MN1: variants seen among roughly 807,000 people sequenced by gnomAD.
MN1 encodes the protein transcriptional activator MN1.
A neutral mutation model predicts 86.9 loss-of-function variants in MN1; 19 were observed. The ratio of observed to expected loss-of-function variants is 0.22; its 90% CI spans 0.15 to 0.32. MN1 has a LOEUF of 0.32. Among genes scored for constraint, MN1 ranks in the 10% least tolerant of loss-of-function variants. The pLI is 1.00. For synonymous variants in MN1, 928 were observed against 849.6 expected (o/e 1.09, Z -1.60); for missense variants, 1,841 against 1,862.0 (o/e 0.99, Z 0.21).
intron 1 of MN1, among the ~76,000 whole-genome samples, chr22:27,793,479 T>C (rs1933243256): frequency 6.6e-6 from 1 of 152,218 alleles, no homozygotes. Flanking sequence ...AAACTCAGGC[T>C]GGGTTTTGTT....
intron 1 of MN1, among the ~76,000 whole-genome samples, chr22:27,788,889 C>T (rs1047016503): frequency 6.6e-6 from 1 of 152,060 alleles, no homozygotes; most frequent in East Asian, 1.9e-4. Context: ...TCAGAAAGAC[C>T]CCCCCAGACG....
chr22:27,752,851 TACTGA>T (rs1328664621), intron 1 of MN1, among the ~76,000 whole-genome samples: 2 of 152,298 alleles, frequency 1.3e-5, no homozygotes, highest in African/African-American at 4.8e-5. Context: ...CACACCCAGA[TACTGA>T]ACTCCATGAC....
chr22:27,779,264 G>A (rs187922644), intron 1 of MN1, among the ~76,000 whole-genome samples: 39 of 152,286 alleles, frequency 2.6e-4, no homozygotes, highest in African/African-American at 9.1e-4. Context: ...ACCGGCAGGC[G>A]CTTCCTCCTC....
Position 27,800,130 on chromosome 22 carries a change from G to T in MN1, c.414C>A (p.Gly138=). ...LHGGRLLGYG[G]AAGGLGSQPP... ...GCTGGCTGCCCAGGCCTCCGGCTGCGCCGCCGTAGCCGAGCAGGCGACCCC... is the reference window on the plus strand; with the variant it reads ...GCTGGCTGCCCAGGCCTCCGGCTGCTCCGCCGTAGCCGAGCAGGCGACCCC... The change falls in exon 1 of 2, where the codon GGC becomes GGA. Residue 138 remains glycine, a synonymous_variant. Coordinates refer to ENST00000302326, the MANE Select transcript of MN1 (RefSeq NM_002430.3). The T allele has an allele frequency of 6.4e-7, 1 of 1,555,312 alleles. No homozygotes were observed. Among genetic ancestry groups the T allele is most frequent in the Non-Finnish European group, 8.6e-7 (1 of 1,157,626 alleles).
At chr22:27,769,073 T>C (rs566564307) in intron 1 of MN1, among the ~76,000 whole-genome samples, 20 of 152,178 alleles carry the variant, frequency 1.3e-4, no homozygotes, top group Non-Finnish European at 2.2e-4. Context: ...GCAGGTTCCA[T>C]AGACTGATGT....
chr22:27,789,988 C>A (rs1308346980), intron 1 of MN1, among the ~76,000 whole-genome samples: 1 of 152,152 alleles, frequency 6.6e-6, no homozygotes, highest in Non-Finnish European at 1.5e-5. Flanking sequence ...TGGAAGCTAT[C>A]GGGAACCCAG....
Position 27,751,024 on chromosome 22 carries a change from C to T in MN1, c.3854G>A (p.Cys1285Tyr). The T allele has an allele frequency of 6.2e-7, 1 of 1,611,410 alleles. No individual in the cohort carries two copies. Among genetic ancestry groups the T allele is most frequent in the African/African-American group, 1.3e-5 (1 of 74,994 alleles). ...GSHLQCLSVHCTDDVGDAKAR... is the reference protein window; with the variant it reads ...GSHLQCLSVHYTDDVGDAKAR... ...CTTGGCGTCACCCACGTCGTCTGTG[C>T]AGTGGACAGACAGGCACTGCAAGTG... Residue 1285 changes from cysteine (C) to tyrosine (Y), a missense_variant, in exon 2 of 2, where the codon TGC becomes TAC. By Grantham distance (194) the Cys-to-Tyr change is radical (BLOSUM62 -2). Transcript: ENST00000302326.
Position 27,796,817 on chromosome 22 carries a change from TGTC to T in MN1, c.3724_3726del (p.Asp1242del), listed in dbSNP as rs765307189. 2.0e-4 allele frequency: 322 copies of T among 1,610,794 alleles called. No homozygotes were observed. Among genetic ancestry groups the T allele is most frequent in the Non-Finnish European group, 2.7e-4 (316 of 1,179,696 alleles). ...GCCTTCTCCCAGGGCGCCAACGTCTTGTCGTCGTCCGCGCTGTCCACCAGGGCC... is the reference window on the plus strand; with the variant it reads ...GCCTTCTCCCAGGGCGCCAACGTCTTGTCGTCCGCGCTGTCCACCAGGGCC... On this transcript the variant is annotated inframe_deletion, in exon 1 of 2. Transcript: ENST00000302326.
At chr22:27,774,581 G>A (rs1432395165) in intron 1 of MN1, among the ~76,000 whole-genome samples, 1 of 152,152 alleles carries the variant, frequency 6.6e-6, no homozygotes. Flanking sequence ...AGACTTCCTT[G>A]GTACCTACAT....
In MN1 at chr22:27,798,945, T is replaced by TGTTGCTGC. The variant is rs1933372448; in HGVS notation, c.1598_1599insGCAGCAAC (p.Gln536HisfsTer25). ...GCTGTTGCTGCTGCTGCTGCTGCTG[T>TGTTGCTGC]TGCTGCTGCTGCTGCTGCTGCTGCT... On this transcript the variant is annotated frameshift_variant, in exon 1 of 2. Coordinates refer to ENST00000302326, the MANE Select transcript of MN1 (RefSeq NM_002430.3). LOFTEE classifies it high-confidence loss of function. The TGTTGCTGC allele has an allele frequency of 3.9e-6, 6 of 1,539,684 alleles. No individual in the cohort carries two copies. The African/African-American group carries it at 9.2e-5, about 24-fold the overall frequency.
intron 1 of MN1, among the ~76,000 whole-genome samples, chr22:27,794,884 G>A (rs1276234248): frequency 6.6e-6 from 1 of 151,530 alleles, no homozygotes; most frequent in African/African-American, 2.4e-5. Flanking sequence ...AGGAGTGGGA[G>A]GGGAGGATGA....
chr22:27,779,389 G>A (rs1421446502), intron 1 of MN1, among the ~76,000 whole-genome samples: 1 of 152,174 alleles, frequency 6.6e-6, no homozygotes, highest in Non-Finnish European at 1.5e-5. Context: ...CTAGGGGTTC[G>A]AACCACTGTC....
Position 27,799,176 on chromosome 22 carries a change from C to T in MN1, c.1368G>A (p.Arg456=). 1 of 1,606,456 alleles carries T rather than the reference C, an allele frequency of 6.2e-7. No homozygotes were observed. The highest frequency in any genetic ancestry group is 1.3e-5 in the African/African-American group (1 of 74,926). Residue 456 remains arginine (R), a synonymous_variant, in exon 1 of 2, where the codon AGG becomes AGA. Coordinates refer to ENST00000302326, the MANE Select transcript of MN1 (RefSeq NM_002430.3). ...CGCTGCCCGGAAAGTCGAAGCGCGGCCTCTTGGCCACGTTCATGTAGGGGG... is the reference window on the plus strand; with the variant it reads ...CGCTGCCCGGAAAGTCGAAGCGCGGTCTCTTGGCCACGTTCATGTAGGGGG... ...DAPPYMNVAK[R]PRFDFPGSAG...
chr22:27,777,119 A>G (rs1158772572), intron 1 of MN1, among the ~76,000 whole-genome samples: 2 of 152,212 alleles, frequency 1.3e-5, no homozygotes, highest in Non-Finnish European at 2.9e-5. Flanking sequence ...ATTAAACCCT[A>G]AATGAACACT....
In MN1 at chr22:27,799,624, T is replaced by C. The variant is rs1174037284; in HGVS notation, c.920A>G (p.Gln307Arg). 1 of 1,545,942 alleles carries C rather than the reference T, an allele frequency of 6.5e-7. No homozygotes were observed. Among genetic ancestry groups the C allele is most frequent in the East Asian group, 2.4e-5 (1 of 40,880 alleles). The change falls in exon 1 of 2, where the codon CAG (glutamine) becomes CGG (arginine). Residue 307 changes from glutamine (Q) to arginine (R), a missense_variant. By Grantham distance (43) the Gln-to-Arg change is conservative (BLOSUM62 1). Coordinates refer to ENST00000302326, the MANE Select transcript of MN1 (RefSeq NM_002430.3). ...CTCAAAGAACACACCATGCTGCTGCTGCTGCTGCTGGGGCTGCTGCTGCTG... is the reference window on the plus strand; with the variant it reads ...CTCAAAGAACACACCATGCTGCTGCCGCTGCTGCTGGGGCTGCTGCTGCTG... Reference protein sequence around the residue: ...PQQQQQPQQQQQQHGVFFERF... With the variant: ...PQQQQQPQQQRQQHGVFFERF...
chr22:27,798,027 G>A lies in MN1; in HGVS notation c.2517C>T (p.Leu839=), dbSNP rs1460506101. 19 of 1,607,394 alleles carry A rather than the reference G, an allele frequency of 1.2e-5. No homozygotes were observed. The highest frequency in any genetic ancestry group is 2.2e-5 in the East Asian group (1 of 44,870). The change falls in exon 1 of 2, where the codon CTC becomes CTT. Residue 839 remains leucine, a synonymous_variant. Transcript: ENST00000302326. ...AGGTCACGTTGAGGTTGGGGGCCCC[G>A]AGGCTGGCGATCATGTTCTGGCAAG... The part of the protein sequence containing the change: ...STACQNMIAS[L]GAPNLNVTFN...
chr22:27,800,915 G>T lies in MN1; in HGVS notation c.-372C>A. On this transcript the variant is annotated 5_prime_UTR_variant, in exon 1 of 2. Coordinates refer to ENST00000302326, the MANE Select transcript of MN1 (RefSeq NM_002430.3). ...GTGGGGGGAATGGGGAGGGAAGGGG[G>T]TTGGGAGAGCAGAGCGATCACCTTC... 2.5e-6 allele frequency: 1 copy of T among 402,120 alleles called. No homozygotes were observed. Among genetic ancestry groups the T allele is most frequent in the Non-Finnish European group, 4.6e-6 (1 of 218,914 alleles). 24.9% of individuals were successfully genotyped at this position (402,120 alleles called of 1,614,324 possible). A position where few individuals can be genotyped will look rare whatever the true frequency, so the allele number is the denominator to read the frequency against.
chr22:27,782,439 G>A (rs1180274082), intron 1 of MN1, among the ~76,000 whole-genome samples: 1 of 152,218 alleles, frequency 6.6e-6, no homozygotes, highest in Admixed American at 6.5e-5. Flanking sequence ...CCACTTGCAA[G>A]CCAATCTGTG....
chr22:27,758,824 G>A (rs1932816848), intron 1 of MN1, among the ~76,000 whole-genome samples: 1 of 152,088 alleles, frequency 6.6e-6, no homozygotes, highest in Non-Finnish European at 1.5e-5. Context: ...ATAGTCACAG[G>A]TTTTTGTTTT....
Sources: allele counts gnomAD v4.1 joint callset (sites outside exome capture counted in the v4.1 genomes callset), GRCh38; gene constraint gnomAD v4.1.1; transcripts MANE v1.5; gene names NCBI Gene and HGNC (gene_info 2026-07-23, HGNC 2026-07-21).